Variants in RGS6 observed in about 807,000 individuals in gnomAD.
RGS6 encodes the protein regulator of G-protein signaling 6.
RGS6 carries 30 observed loss-of-function variants against 78.5 expected under a neutral mutation model. That is an observed-to-expected ratio of 0.38 (90% CI 0.29 to 0.52). RGS6 has a LOEUF of 0.52. Among genes scored for constraint, RGS6 ranks in the 20% least tolerant of loss-of-function variants. RGS6 has a pLI of 0.85. For missense variants in RGS6, 495 were observed against 609.7 expected (o/e 0.81, Z 1.98); for synonymous variants, 206 against 206.0 (o/e 1.00, Z 0.00).
At chr14:72,299,264 A>C (rs1003962054) in intron 2 of RGS6, among the ~76,000 whole-genome samples, 1 of 152,204 alleles carries the variant, frequency 6.6e-6, no homozygotes, top group Admixed American at 6.5e-5. Flanking sequence ...GTGCCATACC[A>C]GTCCTTCCCA....
At position 72,064,258 on chromosome 14, in the gene RGS6, A is replaced by C. The variant is rs548176045; in HGVS notation, c.84+99383A>C. Among the ~76,000 whole-genome samples the C allele has an allele frequency of 3.8e-3, 575 of 152,084 alleles. 1 individual carries two copies. The highest frequency in any genetic ancestry group is 0.014 in the African/African-American group (562 of 41,502). ...GGTGAAGGAGGAGGGTGAAGACATA[A>C]AGTGGGGAACGGACCATGGAGAGGA... On this transcript the variant is annotated intron_variant, in intron 2 of 17. Coordinates refer to ENST00000553525, the MANE Select transcript of RGS6 (RefSeq NM_001204424.2).
the RGS6 span, among the ~76,000 whole-genome samples, chr14:71,891,260 G>A: frequency 6.6e-6 from 1 of 152,192 alleles, no homozygotes; most frequent in South Asian, 2.1e-4. Context: ...GGAAGGGCTC[G>A]ACTGGGTGGT....
At chr14:72,284,579 G>C (rs1468724585) in intron 2 of RGS6, among the ~76,000 whole-genome samples, 4 of 152,230 alleles carry the variant, frequency 2.6e-5, no homozygotes, top group African/African-American at 9.6e-5. Flanking sequence ...TGGATGTCCA[G>C]GCAGAAGCTT....
intron 2 of RGS6, among the ~76,000 whole-genome samples, chr14:72,173,713 C>G (rs554046614): frequency 6.6e-6 from 1 of 152,224 alleles, no homozygotes; most frequent in African/African-American, 2.4e-5. Context: ...ACTCAAAGTC[C>G]CTGAGATCTT....
chr14:72,546,234 TTA>T (rs2097400484), intron 17 of RGS6, among the ~76,000 whole-genome samples: 1 of 152,254 alleles, frequency 6.6e-6, no homozygotes, highest in Admixed American at 6.5e-5. Context: ...GCTTCGCTTC[TTA>T]TCTTGACTCT....
At chr14:72,229,278 T>A (rs752139304) in intron 2 of RGS6, among the ~76,000 whole-genome samples, 1 of 149,376 alleles carries the variant, frequency 6.7e-6, no homozygotes, top group East Asian at 2.1e-4. Flanking sequence ...CCTCACCCCT[T>A]GGCCCCTACC....
intron 13 of RGS6, among the ~76,000 whole-genome samples, chr14:72,503,763 T>C (rs1334222481): frequency 6.6e-6 from 1 of 152,186 alleles, no homozygotes; most frequent in Non-Finnish European, 1.5e-5. Flanking sequence ...GCTGGAGTCA[T>C]ACACCCATGG....
downstream of RGS6, among the ~76,000 whole-genome samples, chr14:72,568,871 G>A (rs1156741320): frequency 1.3e-5 from 2 of 152,226 alleles, no homozygotes; most frequent in African/African-American, 2.4e-5. Context: ...GGACCTCCAC[G>A]GGAGGGGCAG....
At chr14:72,078,143 C>T (rs1264656883) in intron 2 of RGS6, among the ~76,000 whole-genome samples, 1 of 152,166 alleles carries the variant, frequency 6.6e-6, no homozygotes, top group African/African-American at 2.4e-5. Flanking sequence ...TTAGCACCCT[C>T]CACTTTGTGC....
intron 2 of RGS6, among the ~76,000 whole-genome samples, chr14:72,264,525 T>C (rs751686729): frequency 2.0e-5 from 3 of 152,330 alleles, no homozygotes; most frequent in Non-Finnish European, 4.4e-5. Flanking sequence ...CCAAAGAAGA[T>C]TTTTACAGAG....
intron 2 of RGS6, among the ~76,000 whole-genome samples, chr14:71,966,487 C>T (rs1380412150): frequency 6.6e-6 from 1 of 152,140 alleles, no homozygotes; most frequent in Admixed American, 6.6e-5. Flanking sequence ...ACTTTCTTAA[C>T]CCACCCCCAA....
In RGS6 at chr14:72,319,410, C is replaced by T. The variant is rs938237905; in HGVS notation, c.85-32685C>T. Among the ~76,000 whole-genome samples the T allele has an allele frequency of 5.3e-5, 8 of 150,028 alleles. No individual in the cohort carries two copies. In the South Asian group the frequency reaches 8.5e-4, roughly 16 times the overall value. The stretch of plus-strand genomic sequence containing the variant: ...TGTTGCCCAGGCTGGAGTGCAGTGA[C>T]GTGATCTCGGCTCACTGCAACCTCC... On this transcript the variant is annotated intron_variant, in intron 2 of 17. Coordinates refer to ENST00000553525, the MANE Select transcript of RGS6 (RefSeq NM_001204424.2).
chr14:72,527,846 A>C (rs954426602), intron 15 of RGS6, among the ~76,000 whole-genome samples: 1 of 152,200 alleles, frequency 6.6e-6, no homozygotes, highest in Non-Finnish European at 1.5e-5. Context: ...AAAAGCTCCC[A>C]AAGTCTGGAT....
intron 3 of RGS6, among the ~76,000 whole-genome samples, chr14:72,352,703 G>T (rs1409547753): frequency 6.6e-6 from 1 of 151,892 alleles, no homozygotes; most frequent in South Asian, 2.1e-4. Context: ...TAAAACACAT[G>T]GGTAGTTCAA....
the RGS6 span, among the ~76,000 whole-genome samples, chr14:71,871,377 C>T: frequency 6.6e-6 from 1 of 152,196 alleles, no homozygotes; most frequent in South Asian, 2.1e-4. Flanking sequence ...CCCGAGGTTA[C>T]ATAAATCTCC....
At chr14:72,457,108 A>T (rs2095651553) in intron 4 of RGS6, among the ~76,000 whole-genome samples, 1 of 151,026 alleles carries the variant, frequency 6.6e-6, no homozygotes, top group African/African-American at 2.4e-5. Context: ...AAAAAAAAAA[A>T]ATAGCAAATT....
chr14:72,314,272 G>A (rs1230665283), intron 2 of RGS6, among the ~76,000 whole-genome samples: 1 of 152,150 alleles, frequency 6.6e-6, no homozygotes. Context: ...CTGACATCCT[G>A]GCTCCTGTCT....
intron 2 of RGS6, among the ~76,000 whole-genome samples, chr14:71,997,674 G>A (rs74394215): frequency 0.068 from 10,326 of 152,238 alleles, 502 homozygotes; most frequent in Middle Eastern, 0.13. Context: ...TCAACATTTC[G>A]GGGGTGGGAG....
chr14:72,159,759 A>G (rs751986749), intron 2 of RGS6, among the ~76,000 whole-genome samples: 1 of 152,048 alleles, frequency 6.6e-6, no homozygotes, highest in Non-Finnish European at 1.5e-5. Context: ...GTTTCTCCCT[A>G]TTCTCCAGAG....
Sources: allele counts gnomAD v4.1 joint callset (sites outside exome capture counted in the v4.1 genomes callset), GRCh38; gene constraint gnomAD v4.1.1; transcripts MANE v1.5; gene names NCBI Gene and HGNC (gene_info 2026-07-23, HGNC 2026-07-21).